SDF2: variants seen among roughly 807,000 people sequenced by gnomAD.
SDF2 encodes the protein stromal cell derived factor 2.
In SDF2, 12 loss-of-function variants were observed where a neutral mutation model predicts 20.5. That is an observed-to-expected ratio of 0.58 (90% CI 0.37 to 0.95). SDF2 has a LOEUF of 0.95. SDF2 is among the 40% of genes least tolerant of loss of function. SDF2 has a pLI of 0.01. For missense variants in SDF2, 238 were observed against 263.1 expected (o/e 0.90, Z 0.66); for synonymous variants, 100 against 101.0 (o/e 0.99, Z 0.06).
intron 2 of SDF2, among the ~76,000 whole-genome samples, chr17:28,650,200 C>T (rs2071901882): frequency 6.6e-6 from 1 of 151,992 alleles, no homozygotes; most frequent in African/African-American, 2.4e-5. Flanking sequence ...GATCCTCCCG[C>T]CTCAGCCTCC....
At chr17:28,654,907 G>T (rs1340942406) in intron 2 of SDF2, among the ~76,000 whole-genome samples, 1 of 152,104 alleles carries the variant, frequency 6.6e-6, no homozygotes, top group Non-Finnish European at 1.5e-5. Context: ...AATGAGCTGA[G>T]ACCATGCCAT....
chr17:28,658,892 A>G (rs1192631946), intron 1 of SDF2, among the ~76,000 whole-genome samples: 3 of 149,226 alleles, frequency 2.0e-5, no homozygotes, highest in South Asian at 4.3e-4. Context: ...GGCACTCCTC[A>G]CTTCCCAGAC....
At chr17:28,650,659 G>A (rs563596391) in intron 2 of SDF2, among the ~76,000 whole-genome samples, 3 of 151,696 alleles carry the variant, frequency 2.0e-5, no homozygotes, top group East Asian at 2.0e-4. Context: ...GGTGGCAGGC[G>A]CCTGTAATCC....
chr17:28,653,191 G>A (rs78675063), intron 2 of SDF2, among the ~76,000 whole-genome samples: 1,852 of 152,224 alleles, frequency 0.012, 16 homozygotes, highest in Admixed American at 0.017. Flanking sequence ...GAAACCTAAC[G>A]AACAAACACT....
chr17:28,658,147 C>G (rs973770102), intron 1 of SDF2, among the ~76,000 whole-genome samples: 2 of 152,164 alleles, frequency 1.3e-5, no homozygotes, highest in African/African-American at 4.8e-5. Context: ...ATTTTGTCTC[C>G]TACATTTTCT....
chr17:28,654,969 T>A (rs1199294631), intron 2 of SDF2, among the ~76,000 whole-genome samples: 1 of 140,884 alleles, frequency 7.1e-6, no homozygotes, highest in East Asian at 2.1e-4. Context: ...AAAATAAAAA[T>A]AAAAACAAAA....
At chr17:28,653,221 G>C (rs2071929360) in intron 2 of SDF2, among the ~76,000 whole-genome samples, 2 of 152,154 alleles carry the variant, frequency 1.3e-5, no homozygotes, top group Non-Finnish European at 2.9e-5. Flanking sequence ...AGGTAATCAA[G>C]GTCCACATCA....
At chr17:28,649,544 G>T (rs529144696) in intron 2 of SDF2, among the ~76,000 whole-genome samples, 1 of 152,114 alleles carries the variant, frequency 6.6e-6, no homozygotes, top group Non-Finnish European at 1.5e-5. Flanking sequence ...AGACCAGCCT[G>T]ACCGACATGG....
chr17:28,652,109 T>C (rs1470929993), intron 2 of SDF2, among the ~76,000 whole-genome samples: 1 of 151,888 alleles, frequency 6.6e-6, no homozygotes, highest in Non-Finnish European at 1.5e-5. Flanking sequence ...AGTTCGAGGC[T>C]CTAGTGCACT....
At chr17:28,653,847 G>GA (rs1255351950) in intron 2 of SDF2, among the ~76,000 whole-genome samples, 2 of 151,928 alleles carry the variant, frequency 1.3e-5, no homozygotes, top group Admixed American at 6.6e-5. Context: ...AAGGGAATCA[G>GA]AAAAAAACTA....
Position 28,656,967 on chromosome 17 carries a change from G to A in SDF2, c.152-1484C>T, listed in dbSNP as rs771459344. Among the ~76,000 whole-genome samples the A allele has an allele frequency of 4.6e-5, 7 of 152,264 alleles. 1 individual carries two copies. The highest frequency in any genetic ancestry group is 6.8e-3 in the Middle Eastern group (2 of 294). On this transcript the variant is annotated intron_variant, in intron 1 of 2. Coordinates refer to ENST00000247020, the MANE Select transcript of SDF2 (RefSeq NM_006923.4). ...ATTTAAGCAAGGCACGGTGGCTCAC[G>A]CCTGTAATCCCAGCACTTTGGGAGG...
chr17:28,658,187 C>T (rs903709489), intron 1 of SDF2, among the ~76,000 whole-genome samples: 1 of 152,086 alleles, frequency 6.6e-6, no homozygotes, highest in African/African-American at 2.4e-5. Flanking sequence ...ACTTCTTCCT[C>T]CAAATCCTTA....
At chr17:28,654,226 C>A (rs1054846427) in intron 2 of SDF2, among the ~76,000 whole-genome samples, 6 of 152,036 alleles carry the variant, frequency 3.9e-5, no homozygotes, top group Admixed American at 2.0e-4. Flanking sequence ...TGCTTGAGCC[C>A]AGGAGGCTGA....
At chr17:28,659,025 G>C (rs578126082) in intron 1 of SDF2, among the ~76,000 whole-genome samples, 1 of 146,470 alleles carries the variant, frequency 6.8e-6, no homozygotes, top group Admixed American at 6.8e-5. Flanking sequence ...CGGGGCGGCC[G>C]TGCAGAGGCG....
At chr17:28,655,229 C>T (rs2071950561) in intron 2 of SDF2, 58 bp downstream of exon 2, 1 of 1,514,188 alleles carries the variant, frequency 6.6e-7, no homozygotes, top group Non-Finnish European at 9.2e-7. Flanking sequence ...ACCAAGAGAT[C>T]AAACAAGCAC....
intron 1 of SDF2, among the ~76,000 whole-genome samples, chr17:28,656,937 GTAT>G (rs1289974851): frequency 6.6e-6 from 1 of 152,058 alleles, no homozygotes; most frequent in Non-Finnish European, 1.5e-5. Flanking sequence ...TATTATAAAC[GTAT>G]TATTTAAGCA....
intron 1 of SDF2, among the ~76,000 whole-genome samples, chr17:28,659,458 T>C (rs1277822299): frequency 3.2e-5 from 4 of 126,088 alleles, no homozygotes; most frequent in African/African-American, 9.2e-5. Flanking sequence ...TGCTCCCCAC[T>C]TCCCAGATGG....
intron 1 of SDF2, among the ~76,000 whole-genome samples, chr17:28,659,994 C>T (rs191828295): frequency 3.1e-4 from 47 of 152,346 alleles, no homozygotes; most frequent in African/African-American, 1.1e-3. Flanking sequence ...ATCCCAGCAC[C>T]TCGGGAGGCT....
At chr17:28,660,340 C>T (rs2072014191) in intron 1 of SDF2, 1 of 152,216 alleles carries the variant, frequency 6.6e-6, no homozygotes. Context: ...CAAGTTTCTC[C>T]AGTTATTCAA....
Sources: allele counts gnomAD v4.1 joint callset (sites outside exome capture counted in the v4.1 genomes callset), GRCh38; gene constraint gnomAD v4.1.1; transcripts MANE v1.5; gene names NCBI Gene and HGNC (gene_info 2026-07-23, HGNC 2026-07-21).